The following PRELID2 variants were observed in gnomAD, a reference collection of about 807,000 sequenced individuals.
PRELID2 encodes the protein PRELI domain-containing protein 2.
A neutral mutation model predicts 28.4 loss-of-function variants in PRELID2; 25 were observed. The ratio of observed to expected loss-of-function variants is 0.88; its 90% CI spans 0.64 to 1.23. PRELID2 has a LOEUF of 1.23. Ranked by LOEUF, PRELID2 falls within the 50% of genes most tolerant of loss-of-function variation. The pLI is 0.00. For synonymous variants in PRELID2, 76 were observed against 71.6 expected, an observed-to-expected ratio of 1.06 and a Z score of -0.31; for missense variants, 201 against 214.4, an observed-to-expected ratio of 0.94 and a Z score of 0.39.
At position 145,825,225 on chromosome 5, in the gene PRELID2, CAAAAAAAAAAAAAAAA is replaced by C. The variant is rs56818178; in HGVS notation, c.76-2107_76-2092del. ...TCGGTGATAGAGTGAGACTCTGTCT[CAAAAAAAAAAAAAAAA>C]AAAAAAAAAAAAAAAAAAACTTGGA... On this transcript the variant is annotated intron_variant, in intron 1 of 6. Coordinates refer to ENST00000683046, the MANE Select transcript of PRELID2 (RefSeq NM_205846.3). Among the ~76,000 whole-genome samples the C allele has an allele frequency of 1.2e-3, 71 of 60,432 alleles. 1 individual carries two copies. The highest frequency in any genetic ancestry group is 0.023 in the Middle Eastern group (1 of 44). 39.6% of individuals were successfully genotyped at this position (60,432 alleles called of 152,430 possible).
At chr5:145,241,598 C>T in the PRELID2 span, among the ~76,000 whole-genome samples, 322 of 151,812 alleles carry the variant, frequency 2.1e-3, 1 homozygote, top group African/African-American at 7.5e-3. Context: ...AATGGAGAGG[C>T]GTAAAAAGTT....
intron 1 of PRELID2, among the ~76,000 whole-genome samples, chr5:145,639,932 C>A (rs1345616053): frequency 6.6e-6 from 1 of 152,160 alleles, no homozygotes; most frequent in South Asian, 2.1e-4. Context: ...ATGAGAAGTG[C>A]CCCCTTGGAA....
intron 1 of PRELID2, among the ~76,000 whole-genome samples, chr5:145,582,137 T>G (rs1753112580): frequency 6.6e-6 from 1 of 152,056 alleles, no homozygotes. Flanking sequence ...AGATCCCCAC[T>G]CTATCACCTA....
the PRELID2 span, among the ~76,000 whole-genome samples, chr5:145,427,086 C>T: frequency 6.6e-6 from 1 of 152,230 alleles, no homozygotes; most frequent in Admixed American, 6.5e-5. Context: ...CCCATAGACT[C>T]TTTCAAGCTA....
chr5:145,833,194 T>C (rs1292973651), intron 1 of PRELID2, among the ~76,000 whole-genome samples: 3 of 152,214 alleles, frequency 2.0e-5, no homozygotes, highest in South Asian at 2.1e-4. Flanking sequence ...CATTGTGTTA[T>C]GTGCTTCTGC....
rs990660988 is a variant in PRELID2 at position 145,492,926 on chromosome 5, T to C, written n.71-19611A>G. Among the ~76,000 whole-genome samples, 58 of 140,710 alleles carry C rather than the reference T, an allele frequency of 4.1e-4. 6 individuals are homozygous for C. The highest frequency in any genetic ancestry group is 1.3e-3 in the African/African-American group (51 of 39,878). The allele number at this position is 140,710 out of a possible 152,430, so 92.3% of individuals were successfully genotyped here. On this transcript the variant is annotated intron_variant and non_coding_transcript_variant, in intron 1 of 2. Transcript: ENST00000510259. ...GTAGTTTGGACTGTGGGGATCTGCC[T>C]GGTGCTGGGTGGTAAGCCCAGTGTT...
chr5:145,229,439 A>G, the PRELID2 span: 1 of 807,126 alleles, frequency 1.2e-6, no homozygotes, highest in Non-Finnish European at 2.2e-6. Context: ...AGGTCTCTAC[A>G]CAAAGATCCA....
At chr5:145,414,640 AAAC>A in the PRELID2 span, among the ~76,000 whole-genome samples, 1 of 152,216 alleles carries the variant, frequency 6.6e-6, no homozygotes, top group Non-Finnish European at 1.5e-5. Flanking sequence ...CTAATGAATG[AAAC>A]AATAAATACA....
At chr5:145,668,099 G>A (rs1024231799) in intron 1 of PRELID2, among the ~76,000 whole-genome samples, 1 of 152,062 alleles carries the variant, frequency 6.6e-6, no homozygotes, top group South Asian at 2.1e-4. Context: ...AGAAGAACTA[G>A]GCTATTGATC....
At chr5:145,665,031 A>AG (rs1333472363) in intron 1 of PRELID2, among the ~76,000 whole-genome samples, 1 of 152,084 alleles carries the variant, frequency 6.6e-6, no homozygotes, top group African/African-American at 2.4e-5. Flanking sequence ...TTGCTGGATT[A>AG]GGGCTCTTGC....
At chr5:145,263,055 A>G in the PRELID2 span, among the ~76,000 whole-genome samples, 30 of 152,256 alleles carry the variant, frequency 2.0e-4, no homozygotes, top group African/African-American at 7.2e-4. Context: ...ATATCAGACA[A>G]AAACCAACTT....
At chr5:145,502,316 T>G (rs1262260866) in intron 1 of PRELID2, among the ~76,000 whole-genome samples, 1 of 152,064 alleles carries the variant, frequency 6.6e-6, no homozygotes, top group South Asian at 2.1e-4. Context: ...AGAACAGCAC[T>G]GAGAGAATTG....
the PRELID2 span, among the ~76,000 whole-genome samples, chr5:145,346,482 G>C: frequency 6.6e-6 from 1 of 152,092 alleles, no homozygotes. Context: ...CCAAGATAAT[G>C]CACTAAATTG....
At chr5:145,296,781 G>T in the PRELID2 span, among the ~76,000 whole-genome samples, 361 of 152,044 alleles carry the variant, frequency 2.4e-3, 1 homozygote, top group African/African-American at 8.3e-3. Flanking sequence ...ACTTCCACAA[G>T]GGTTGAACTA....
intron 1 of PRELID2, among the ~76,000 whole-genome samples, chr5:145,567,361 G>GTTTGGTTTGA: frequency 6.6e-6 from 1 of 151,776 alleles, no homozygotes; most frequent in Admixed American, 6.6e-5. Flanking sequence ...GTTTGGTTTG[G>GTTTGGTTTGA]TTTGGTTTGG....
At chr5:145,511,659 A>G (rs550225634) in intron 1 of PRELID2, among the ~76,000 whole-genome samples, 1 of 152,286 alleles carries the variant, frequency 6.6e-6, no homozygotes, top group East Asian at 1.9e-4. Flanking sequence ...TGACTGTTTC[A>G]ACTCTGGGCA....
chr5:145,585,541 A>G (rs1753146073), intron 1 of PRELID2, among the ~76,000 whole-genome samples: 1 of 152,172 alleles, frequency 6.6e-6, no homozygotes, highest in Admixed American at 6.6e-5. Context: ...TGTAATGATA[A>G]AGAGCCAGAC....
At chr5:145,487,268 G>A (rs1301554981) in intron 1 of PRELID2, among the ~76,000 whole-genome samples, 1 of 151,796 alleles carries the variant, frequency 6.6e-6, no homozygotes. Flanking sequence ...AAGTCGTCAG[G>A]GGGCCACAGT....
At chr5:145,715,100 C>A (rs541306992) in intron 1 of PRELID2, among the ~76,000 whole-genome samples, 1 of 152,236 alleles carries the variant, frequency 6.6e-6, no homozygotes, top group East Asian at 1.9e-4. Context: ...CACACTCATA[C>A]AATCAACCCT....
Sources: gnomAD v4.1 joint callset for allele counts (sites outside exome capture counted in the v4.1 genomes callset) on GRCh38, gnomAD v4.1.1 for gene constraint, MANE v1.5 for transcripts, NCBI Gene and HGNC (gene_info 2026-07-23, HGNC 2026-07-21) for gene names.